The following THSD7B variants were observed in gnomAD, a reference collection of about 807,000 sequenced individuals.
THSD7B encodes thrombospondin type-1 domain-containing protein 7B.
THSD7B carries 138 observed loss-of-function variants against 213.6 expected under a neutral mutation model. The ratio of observed to expected loss-of-function variants is 0.65; its 90% CI spans 0.56 to 0.74. THSD7B has a LOEUF of 0.74. THSD7B is among the 30% of genes least tolerant of loss of function. THSD7B has a pLI of 0.00. For synonymous variants in THSD7B, 742 were observed against 687.0 expected, an observed-to-expected ratio of 1.08 and a Z score of -1.25; for missense variants, 1,931 against 1,991.5, an observed-to-expected ratio of 0.97 and a Z score of 0.58.
chr2:137,051,936 T>G (rs150234344), intron 2 of THSD7B, among the ~76,000 whole-genome samples: 3 of 152,178 alleles, frequency 2.0e-5, no homozygotes, highest in Non-Finnish European at 4.4e-5. Flanking sequence ...TGTTGGGTGA[T>G]GCATGCCCCC....
intron 2 of THSD7B, among the ~76,000 whole-genome samples, chr2:136,955,898 C>T (rs1239883819): frequency 4.6e-5 from 7 of 152,090 alleles, no homozygotes; most frequent in Admixed American, 6.5e-5. Flanking sequence ...GTGATCCACC[C>T]ACCTCGGCCT....
At chr2:137,104,769 A>T (rs1289298724) in intron 4 of THSD7B, among the ~76,000 whole-genome samples, 2 of 152,222 alleles carry the variant, frequency 1.3e-5, no homozygotes, top group African/African-American at 4.8e-5. Context: ...ACCAGAGAAT[A>T]CTATGAACAT....
intron 15 of THSD7B, among the ~76,000 whole-genome samples, chr2:137,477,354 A>G (rs1022670603): frequency 4.6e-5 from 7 of 152,124 alleles, no homozygotes; most frequent in African/African-American, 1.4e-4. Flanking sequence ...TTTGCATATA[A>G]TATCTTTTTC....
At chr2:137,550,048 C>G (rs1032100240) in intron 15 of THSD7B, among the ~76,000 whole-genome samples, 2 of 152,052 alleles carry the variant, frequency 1.3e-5, no homozygotes, top group Non-Finnish European at 2.9e-5. Flanking sequence ...TGCCATAATA[C>G]AGCATGGCAG....
intron 5 of THSD7B, among the ~76,000 whole-genome samples, chr2:137,147,246 A>G (rs1016225715): frequency 6.6e-6 from 1 of 152,180 alleles, no homozygotes; most frequent in Non-Finnish European, 1.5e-5. Flanking sequence ...TCGGTTTTGC[A>G]GTAAAGGGGT....
intron 1 of THSD7B, among the ~76,000 whole-genome samples, chr2:136,802,659 A>ATATATATG: frequency 8.3e-6 from 1 of 120,420 alleles, no homozygotes; most frequent in Non-Finnish European, 1.7e-5. Flanking sequence ...ATATATATAT[A>ATATATATG]TATATATATA....
At chr2:137,659,812 GT>G in intron 25 of THSD7B, 66 bp downstream of exon 25, 1 of 1,474,040 alleles carries the variant, frequency 6.8e-7, no homozygotes, top group Non-Finnish European at 9.2e-7. Context: ...GCAATCAGAT[GT>G]TCTCCTGCCG....
Position 136,882,238 on chromosome 2 carries a change from C to G in THSD7B, c.60C>G (p.Leu20=). 6.5e-7 allele frequency: 1 copy of G among 1,544,986 alleles called. No individual in the cohort carries two copies. Among genetic ancestry groups the G allele is most frequent in the Non-Finnish European group, 8.7e-7 (1 of 1,144,592 alleles). Residue 20 remains leucine, a synonymous_variant, in exon 2 of 28, where the codon CTC becomes CTG. Transcript: ENST00000409968. The part of the protein sequence containing the change: ...TCWVWRSMRK[L]FLLLSLLLSH... ...GGGTATGGAGGAGCATGAGGAAGCTCTTTCTATTGCTTTCTCTCTTGCTGT... is the reference window on the plus strand; with the variant it reads ...GGGTATGGAGGAGCATGAGGAAGCTGTTTCTATTGCTTTCTCTCTTGCTGT...
At position 136,847,256 on chromosome 2, in the gene THSD7B, C is replaced by T. The variant is rs369490203; in HGVS notation, c.-35-34888C>T. 1.0e-3 allele frequency among the ~76,000 whole-genome samples: 153 copies of T among 152,278 alleles called. 1 individual carries two copies. In the Middle Eastern group the frequency reaches 0.014, roughly 14 times the overall value. On this transcript the variant is annotated intron_variant, in intron 1 of 27. Coordinates refer to ENST00000409968, the MANE Select transcript of THSD7B (RefSeq NM_001316349.2). Reference sequence around the variant, plus strand: ...GGGAATAAATGCAGAATGAGAAAATCAGATTTGGTCAATAGGATCTCAGAG... The same window carrying T: ...GGGAATAAATGCAGAATGAGAAAATTAGATTTGGTCAATAGGATCTCAGAG...
intron 2 of THSD7B, among the ~76,000 whole-genome samples, chr2:136,944,769 G>A (rs1159563412): frequency 9.0e-6 from 1 of 111,324 alleles, no homozygotes; most frequent in Non-Finnish European, 1.9e-5. Flanking sequence ...TCTTTATTTT[G>A]AGCCTAGTGT....
intron 20 of THSD7B, among the ~76,000 whole-genome samples, chr2:137,625,414 T>G (rs1374737271): frequency 2.6e-5 from 4 of 151,668 alleles, no homozygotes; most frequent in Admixed American, 6.6e-5. Flanking sequence ...ACATGACACA[T>G]GTATACCTAT....
At chr2:137,555,856 A>T (rs1302208705) in intron 15 of THSD7B, among the ~76,000 whole-genome samples, 1 of 152,368 alleles carries the variant, frequency 6.6e-6, no homozygotes, top group East Asian at 1.9e-4. Flanking sequence ...AAAGGACCTC[A>T]TGGAGCTGAA....
rs1022631924 is a variant in THSD7B at position 137,498,026 on chromosome 2, C to T, written c.3138+47003C>T. Reference sequence around the variant, plus strand: ...AAACACTATACAAGGACTTGTGGCACCTCAGCACGCTGGCTCTACCACCAT... The same window carrying T: ...AAACACTATACAAGGACTTGTGGCATCTCAGCACGCTGGCTCTACCACCAT... On this transcript the variant is annotated intron_variant, in intron 15 of 27. Transcript: ENST00000409968. 2.0e-5 allele frequency among the ~76,000 whole-genome samples: 3 copies of T among 152,284 alleles called. No individual in the cohort carries two copies. In the East Asian group the frequency reaches 5.8e-4, roughly 29 times the overall value.
chr2:137,495,219 A>G (rs1679533456), intron 15 of THSD7B, among the ~76,000 whole-genome samples: 1 of 152,182 alleles, frequency 6.6e-6, no homozygotes, highest in Admixed American at 6.5e-5. Flanking sequence ...TATACTATTT[A>G]AAATTAAATA....
intron 15 of THSD7B, among the ~76,000 whole-genome samples, chr2:137,545,088 T>A (rs1428499809): frequency 6.6e-6 from 1 of 151,776 alleles, no homozygotes; most frequent in Non-Finnish European, 1.5e-5. Flanking sequence ...ATTCAAAGAT[T>A]AATGTTTGTG....
chr2:137,414,508 CAA>C (rs1686749073), intron 14 of THSD7B, among the ~76,000 whole-genome samples: 1 of 151,242 alleles, frequency 6.6e-6, no homozygotes, highest in Non-Finnish European at 1.5e-5. Flanking sequence ...CGCTTGAGCC[CAA>C]GAGTTTGAGA....
At chr2:136,985,290 G>C (rs1023929254) in intron 2 of THSD7B, among the ~76,000 whole-genome samples, 1 of 152,120 alleles carries the variant, frequency 6.6e-6, no homozygotes, top group African/African-American at 2.4e-5. Context: ...CAAGTCAGCC[G>C]CTCTCATCAC....
intron 1 of THSD7B, among the ~76,000 whole-genome samples, chr2:136,845,504 T>C (rs890442190): frequency 6.6e-6 from 1 of 152,210 alleles, no homozygotes; most frequent in African/African-American, 2.4e-5. Flanking sequence ...TAACAAGATT[T>C]TGTACCCTGG....
chr2:136,955,226 G>A (rs903498596), intron 2 of THSD7B, among the ~76,000 whole-genome samples: 2 of 152,158 alleles, frequency 1.3e-5, no homozygotes, highest in Non-Finnish European at 2.9e-5. Context: ...TGTTTAGAGA[G>A]CTGGAATATA....
Sources: gnomAD v4.1 joint callset for allele counts (sites outside exome capture counted in the v4.1 genomes callset) on GRCh38, gnomAD v4.1.1 for gene constraint, MANE v1.5 for transcripts, NCBI Gene and HGNC (gene_info 2026-07-23, HGNC 2026-07-21) for gene names.